Variants in AOPEP observed in about 807,000 individuals in gnomAD.
AOPEP encodes aminopeptidase O (putative), also known as aminopeptidase O.
AOPEP carries 77 observed loss-of-function variants against 98.1 expected under a neutral mutation model. The observed-to-expected ratio is 0.78, with a 90% CI of 0.65 to 0.95. The LOEUF is 0.95. Among genes scored for constraint, AOPEP ranks in the 40% least tolerant of loss-of-function variants. The pLI, the probability that AOPEP is intolerant of heterozygous loss-of-function variation, is 0.00. For missense variants in AOPEP, 1,024 were observed against 1,024.7 expected (o/e 1.00, Z 0.01); for synonymous variants, 346 against 365.3 (o/e 0.95, Z 0.60).
chr9:95,010,607 A>G (rs1205126798), intron 13 of AOPEP, among the ~76,000 whole-genome samples: 1 of 152,166 alleles, frequency 6.6e-6, no homozygotes, highest in East Asian at 1.9e-4. Flanking sequence ...ATTCATAACT[A>G]GTCTACATTT....
At chr9:94,830,274 T>C (rs553232740) in intron 5 of AOPEP, among the ~76,000 whole-genome samples, 4 of 152,358 alleles carry the variant, frequency 2.6e-5, no homozygotes, top group Non-Finnish European at 4.4e-5. Flanking sequence ...CTTTCACTTA[T>C]AAGTGAGAAC....
intron 5 of AOPEP, among the ~76,000 whole-genome samples, chr9:94,903,892 T>TGAA (rs34620463): frequency 1.0e-5 from 1 of 96,618 alleles, no homozygotes; most frequent in African/African-American, 4.3e-5. Context: ...AGACTCTGTC[T>TGAA]AAAAAAAAAA....
At chr9:94,953,659 C>T (rs930377386) in intron 7 of AOPEP, among the ~76,000 whole-genome samples, 5 of 152,152 alleles carry the variant, frequency 3.3e-5, no homozygotes, top group African/African-American at 1.2e-4. Context: ...CTAGTCTAAA[C>T]TAGGTCTCAT....
chr9:95,010,016 T>G (rs2062374661), intron 13 of AOPEP, among the ~76,000 whole-genome samples: 1 of 152,182 alleles, frequency 6.6e-6, no homozygotes, highest in South Asian at 2.1e-4. Flanking sequence ...TTTCATTTGT[T>G]CCTTGTACAT....
chr9:94,838,051 C>T (rs1287985688), intron 5 of AOPEP, among the ~76,000 whole-genome samples: 7 of 152,146 alleles, frequency 4.6e-5, no homozygotes, highest in African/African-American at 9.7e-5. Flanking sequence ...CTCTGTCTCC[C>T]AGGCTGGAGT....
At chr9:95,110,374 A>G in the AOPEP span, 48 of 1,022,988 alleles carry the variant, frequency 4.7e-5, no homozygotes, top group South Asian at 1.6e-3. Context: ...TTTAAAAACC[A>G]TATGTGCCCC....
intron 10 of AOPEP, among the ~76,000 whole-genome samples, chr9:94,978,464 A>G (rs2059982796): frequency 6.7e-6 from 1 of 148,742 alleles, no homozygotes; most frequent in Non-Finnish European, 1.5e-5. Flanking sequence ...AGGAGACAGT[A>G]ACTAAGTCTA....
At chr9:94,793,693 A>C (rs1221875895) in intron 4 of AOPEP, among the ~76,000 whole-genome samples, 2 of 147,384 alleles carry the variant, frequency 1.4e-5, no homozygotes, top group African/African-American at 2.5e-5. Context: ...AAAAAAAAGG[A>C]AAAAAGAAAG....
intron 7 of AOPEP, among the ~76,000 whole-genome samples, chr9:94,944,162 T>C (rs113124562): frequency 8.5e-5 from 13 of 152,138 alleles, no homozygotes; most frequent in African/African-American, 2.9e-4. Context: ...GTTGGTAAAA[T>C]GGTGCAGCTG....
intron 13 of AOPEP, among the ~76,000 whole-genome samples, chr9:95,046,852 G>A (rs2065909509): frequency 6.6e-6 from 1 of 152,134 alleles, no homozygotes; most frequent in Non-Finnish European, 1.5e-5. Flanking sequence ...AACTAAAGTT[G>A]TAAGTTAAGG....
At chr9:94,844,835 C>G (rs943280527) in intron 5 of AOPEP, among the ~76,000 whole-genome samples, 1 of 152,016 alleles carries the variant, frequency 6.6e-6, no homozygotes, top group South Asian at 2.1e-4. Flanking sequence ...GTGGGCTGTC[C>G]GTGGGAGTGG....
At chr9:94,737,870 T>A (rs1018733283) in intron 1 of AOPEP, among the ~76,000 whole-genome samples, 1 of 152,170 alleles carries the variant, frequency 6.6e-6, no homozygotes, top group African/African-American at 2.4e-5. Flanking sequence ...TGGTTCAGCT[T>A]AGGATGGAAT....
At chr9:94,791,804 C>T (rs1845784607) in intron 3 of AOPEP, among the ~76,000 whole-genome samples, 2 of 152,028 alleles carry the variant, frequency 1.3e-5, no homozygotes, top group South Asian at 4.2e-4. Flanking sequence ...GTTATACAAA[C>T]TTGCACCTGA....
intron 7 of AOPEP, among the ~76,000 whole-genome samples, chr9:94,929,302 G>T (rs183329483): frequency 6.6e-5 from 10 of 152,328 alleles, no homozygotes; most frequent in South Asian, 2.1e-4. Context: ...TTAGATGGCC[G>T]CCCTGAAGGC....
At chr9:95,111,159 G>A in the AOPEP span, 8 of 1,535,214 alleles carry the variant, frequency 5.2e-6, no homozygotes, top group East Asian at 2.4e-5. Flanking sequence ...TGGAGGACGC[G>A]ACCCTGGGGC....
intron 11 of AOPEP, among the ~76,000 whole-genome samples, chr9:94,987,202 A>G (rs971000702): frequency 2.6e-4 from 40 of 152,284 alleles, no homozygotes; most frequent in African/African-American, 8.9e-4. Flanking sequence ...AAATAGATAC[A>G]TAAATAACTG....
chr9:94,931,826 C>T, intron 7 of AOPEP: 14 of 1,534,502 alleles, frequency 9.1e-6, no homozygotes, highest in Non-Finnish European at 1.2e-5. Flanking sequence ...AGCACTTTCT[C>T]CTCCTGGCTT....
chr9:94,814,194 C>T (rs1219896164), intron 5 of AOPEP, among the ~76,000 whole-genome samples: 1 of 152,206 alleles, frequency 6.6e-6, no homozygotes, highest in Non-Finnish European at 1.5e-5. Flanking sequence ...CAATTGGTTC[C>T]TGCTCTGGCC....
At chr9:94,926,445 T>C (rs886389793) in intron 6 of AOPEP, among the ~76,000 whole-genome samples, 1 of 152,172 alleles carries the variant, frequency 6.6e-6, no homozygotes, top group Admixed American at 6.5e-5. Flanking sequence ...TGGAGGTACA[T>C]GCAGTAACTC....
Sources: allele counts gnomAD v4.1 joint callset (sites outside exome capture counted in the v4.1 genomes callset), GRCh38; gene constraint gnomAD v4.1.1; transcripts MANE v1.5; gene names NCBI Gene and HGNC (gene_info 2026-07-23, HGNC 2026-07-21).